Variants in RAB44 observed in about 807,000 individuals in gnomAD.
RAB44 encodes the protein RAB44, member RAS oncogene family.
A neutral mutation model predicts 93.3 loss-of-function variants in RAB44; 67 were observed. The ratio of observed to expected loss-of-function variants is 0.72; its 90% CI spans 0.59 to 0.88. The LOEUF is 0.88. RAB44 is among the 40% of genes least tolerant of loss of function. The pLI is 0.00. For missense variants in RAB44, 1,064 were observed against 1,261.7 expected (o/e 0.84, Z 2.37); for synonymous variants, 427 against 520.3 (o/e 0.82, Z 2.44).
rs552677294 is a variant in RAB44 at position 36,717,647 on chromosome 6, C to T, written c.641+228C>T. On this transcript the variant is annotated intron_variant, in intron 5 of 13. Coordinates refer to ENST00000612677, the MANE Select transcript of RAB44 (RefSeq NM_001257357.2). This position sits in a 1 kb window ranked among gnomAD's most constrained non-coding sequence, Gnocchi z 4.1. ...TGTCTTGGTACAGGACCCACTGTGA[C>T]GCCCAACTCCAGGGGGCCTGCTCCC... Among the ~76,000 whole-genome samples the T allele has an allele frequency of 5.3e-5, 8 of 151,574 alleles. No individual in the cohort carries two copies. Among genetic ancestry groups the T allele is most frequent in the Admixed American group, 1.3e-4 (2 of 15,246 alleles).
At chr6:36,698,369 C>T (rs891787203) in intron 1 of RAB44, among the ~76,000 whole-genome samples, 1 of 152,200 alleles carries the variant, frequency 6.6e-6, no homozygotes, top group African/African-American at 2.4e-5. Context: ...CCGGAGGCCC[C>T]AGGCAGGGCC....
At chr6:36,727,206 A>T (rs1201475984) in intron 10 of RAB44, among the ~76,000 whole-genome samples, 4 of 152,228 alleles carry the variant, frequency 2.6e-5, no homozygotes, top group Non-Finnish European at 5.9e-5. Context: ...ATTTGTATAA[A>T]ATAGAGGGGG....
intron 2 of RAB44, among the ~76,000 whole-genome samples, chr6:36,705,137 G>A (rs1323922769): frequency 6.6e-6 from 1 of 151,026 alleles, no homozygotes; most frequent in African/African-American, 2.4e-5. Context: ...AGAAGAATGA[G>A]GGAACCAGTA....
Position 36,721,833 on chromosome 6 carries a change from G to A in RAB44, c.1699G>A (p.Gly567Arg), listed in dbSNP as rs763432128. Residue 567 changes from glycine (G) to arginine (R), a missense_variant, in exon 9 of 14, where the codon GGA becomes AGA. By Grantham distance (125) the Gly-to-Arg change is moderately radical. Transcript: ENST00000612677. ...PTMTERETQP[G>R]PSPTTALTGV... Reference sequence around the variant, plus strand: ...CATGACTGAGCGGGAAACCCAGCCCGGACCCTCACCCACAACTGCCCTCAC... The same window carrying A: ...CATGACTGAGCGGGAAACCCAGCCCAGACCCTCACCCACAACTGCCCTCAC... The A allele has an allele frequency of 8.9e-6, 11 of 1,234,528 alleles. No individual in the cohort carries two copies. In the South Asian group the frequency reaches 2.5e-4, roughly 28 times the overall value. 76.5% of individuals were successfully genotyped at this position (1,234,528 alleles called of 1,614,324 possible).
chr6:36,728,303 T>A (rs945778197), intron 11 of RAB44, among the ~76,000 whole-genome samples: 1 of 152,182 alleles, frequency 6.6e-6, no homozygotes, highest in African/African-American at 2.4e-5. Context: ...ATAGGGGAGT[T>A]GTGACAATTA....
intron 12 of RAB44, among the ~76,000 whole-genome samples, chr6:36,729,067 G>A (rs959108479): frequency 2.6e-5 from 4 of 152,138 alleles, no homozygotes; most frequent in Non-Finnish European, 5.9e-5. Context: ...TGTTGAATTA[G>A]CACATTCCCA....
chr6:36,701,175 T>C (rs1310552152), intron 1 of RAB44, among the ~76,000 whole-genome samples: 1 of 152,190 alleles, frequency 6.6e-6, no homozygotes, highest in East Asian at 1.9e-4. Context: ...AGTGGTGCAA[T>C]CTTGGCTCAC....
chr6:36,728,692 G>C lies in RAB44; in HGVS notation c.2797-8G>C. On this transcript the variant is annotated splice_polypyrimidine_tract_variant and splice_region_variant and intron_variant, in intron 11 of 13. Coordinates refer to ENST00000612677, the MANE Select transcript of RAB44 (RefSeq NM_001257357.2). ...GGGTGTGGCTGACAGAACATGTTCT[G>C]TGTGCAGGATGCAGGGTCGGATGGG... 1 of 1,549,870 alleles carries C rather than the reference G, an allele frequency of 6.5e-7. No homozygotes were observed. The highest frequency in any genetic ancestry group is 8.7e-7 in the Non-Finnish European group (1 of 1,146,308).
intron 10 of RAB44, among the ~76,000 whole-genome samples, chr6:36,727,308 C>T (rs1003827648): frequency 7.9e-5 from 12 of 151,948 alleles, no homozygotes; most frequent in African/African-American, 2.9e-4. Flanking sequence ...AACTGATAAC[C>T]CTGGTTGCCT....
intron 7 of RAB44, among the ~76,000 whole-genome samples, chr6:36,719,926 G>A (rs993188755): frequency 6.6e-6 from 1 of 152,148 alleles, no homozygotes. Flanking sequence ...GCAGTGTCCC[G>A]GAGGCCATTG....
intron 3 of RAB44, 100 bp downstream of exon 3, chr6:36,714,039 AG>A: frequency 1.3e-6 from 1 of 746,556 alleles, no homozygotes; most frequent in Non-Finnish European, 2.3e-6. Flanking sequence ...CCCTTTTCCC[AG>A]GGACTTTCAC....
intron 11 of RAB44, 126 bp downstream of exon 11, chr6:36,727,817 C>A: frequency 2.9e-6 from 2 of 687,162 alleles, no homozygotes; most frequent in Non-Finnish European, 5.2e-6. Flanking sequence ...ACACCACCCA[C>A]TGAGGGCATG....
chr6:36,729,161 A>G (rs968007737), intron 12 of RAB44, among the ~76,000 whole-genome samples: 1 of 152,214 alleles, frequency 6.6e-6, no homozygotes, highest in Admixed American at 6.5e-5. Context: ...TCAAATTTTA[A>G]TTTTATCTCT....
chr6:36,716,319 A>G (rs1414637710), intron 4 of RAB44, among the ~76,000 whole-genome samples: 1 of 151,534 alleles, frequency 6.6e-6, no homozygotes, highest in East Asian at 1.9e-4. Flanking sequence ...AAAATACAAA[A>G]ATTAGCCGGG....
At chr6:36,702,991 T>C (rs994375096) in intron 1 of RAB44, among the ~76,000 whole-genome samples, 1 of 152,190 alleles carries the variant, frequency 6.6e-6, no homozygotes, top group African/African-American at 2.4e-5. Context: ...TGGGGCAGCA[T>C]GGGGCCTGCC....
Position 36,720,440 on chromosome 6 carries a change from G to C in RAB44, c.906G>C (p.Lys302Asn). ...ASENQQLQEA[K>N]RDLAGRLEEV... ...AGAACCAGCAGCTGCAGGAGGCCAA[G>C]CGTGACCTGGCTGGGCGGCTGGAGG... The change falls in exon 8 of 14, where the codon AAG becomes AAC. Residue 302 changes from lysine to asparagine, a missense_variant. By Grantham distance (94) the Lys-to-Asn change is moderately conservative (BLOSUM62 0). Transcript: ENST00000612677. The C allele has an allele frequency of 8.1e-7, 1 of 1,232,888 alleles. No individual in the cohort carries two copies. The highest frequency in any genetic ancestry group is 1.0e-6 in the Non-Finnish European group (1 of 988,360). 76.4% of individuals were successfully genotyped at this position (1,232,888 alleles called of 1,614,324 possible).
chr6:36,719,644 G>A (rs1409167966), intron 7 of RAB44, among the ~76,000 whole-genome samples: 1 of 152,234 alleles, frequency 6.6e-6, no homozygotes, highest in East Asian at 1.9e-4. Context: ...AGAGTCGTAG[G>A]AGTTGAAATC....
At position 36,722,206 on chromosome 6, in the gene RAB44, C is replaced by T; in HGVS notation, c.2072C>T (p.Ser691Leu). Residue 691 changes from serine (S) to leucine (L), a missense_variant, in exon 9 of 14, where the codon TCA becomes TTA. Ser to Leu is a moderately radical substitution (Grantham distance 145, BLOSUM62 -2). Coordinates refer to ENST00000612677, the MANE Select transcript of RAB44 (RefSeq NM_001257357.2). ...GGCAGAGGTGGGCAGGACCTCAGTT[C>T]AGAGCAGTCAGAGCAGTCGGTTGAG... ...QEGRGGQDLS[S>L]EQSEQSVEAH... 8.0e-7 allele frequency: 1 copy of T among 1,247,166 alleles called. No individual in the cohort carries two copies. Among genetic ancestry groups the T allele is most frequent in the East Asian group, 3.1e-5 (1 of 32,258 alleles). The allele number at this position is 1,247,166 out of a possible 1,614,324, so 77.3% of individuals were successfully genotyped here.
intron 7 of RAB44, 95 bp from the exon 8 acceptor site, chr6:36,720,268 G>C: frequency 9.4e-7 from 1 of 1,060,796 alleles, no homozygotes; most frequent in African/African-American, 1.7e-5. Context: ...AGCCTGGACA[G>C]GGGGTGGGGG....
Sources: gnomAD v4.1 joint callset for allele counts (sites outside exome capture counted in the v4.1 genomes callset) on GRCh38, gnomAD v4.1.1 for gene constraint, Gnocchi (gnomAD v3.1) non-coding constraint, MANE v1.5 for transcripts, NCBI Gene and HGNC (gene_info 2026-07-23, HGNC 2026-07-21) for gene names.